NOL4: variants seen among roughly 807,000 people sequenced by gnomAD.
NOL4 encodes nucleolar protein 4.
Under a neutral mutation model 75.9 loss-of-function variants are expected in NOL4, and 17 were observed. The ratio of observed to expected loss-of-function variants is 0.22; its 90% CI spans 0.15 to 0.34. The LOEUF is 0.34. NOL4 is among the 10% of genes least tolerant of loss of function. The probability of loss-of-function intolerance (pLI) is 1.00; values close to 1 mark genes in which losing one functional copy is unlikely to be tolerated. For missense variants in NOL4, 614 were observed against 793.5 expected (o/e 0.77, Z 2.72); for synonymous variants, 292 against 289.9 (o/e 1.01, Z -0.07).
At chr18:34,205,749 C>T (rs1027084457) in intron 1 of NOL4, among the ~76,000 whole-genome samples, 1 of 152,046 alleles carries the variant, frequency 6.6e-6, no homozygotes, top group African/African-American at 2.4e-5. Flanking sequence ...AAGACCCTAT[C>T]CCCTCCTCAC....
At chr18:34,212,751 G>A (rs115107883) in intron 1 of NOL4, among the ~76,000 whole-genome samples, 161 of 152,220 alleles carry the variant, frequency 1.1e-3, no homozygotes, top group African/African-American at 3.8e-3. Context: ...TATTGTGCTC[G>A]TTGTCAGCCA....
chr18:34,005,230 A>C (rs1318517425), intron 6 of NOL4, among the ~76,000 whole-genome samples: 1 of 152,036 alleles, frequency 6.6e-6, no homozygotes, highest in African/African-American at 2.4e-5. Context: ...CATGCAATTC[A>C]ATGGCCCATT....
Position 34,105,038 on chromosome 18 carries a change from A to G in NOL4, c.526+11T>C. 6.6e-7 allele frequency: 1 copy of G among 1,518,910 alleles called. No individual in the cohort carries two copies. The highest frequency in any genetic ancestry group is 9.1e-7 in the Non-Finnish European group (1 of 1,095,094). 94.1% of individuals were successfully genotyped at this position (1,518,910 alleles called of 1,614,324 possible). A position where few individuals can be genotyped will look rare whatever the true frequency, so the allele number is the denominator to read the frequency against. Reference sequence around the variant, plus strand: ...ATTACTTTAAATCTCACTATTTGACACTGCAGCTACCTTTATGATCTGTTC... The same window carrying G: ...ATTACTTTAAATCTCACTATTTGACGCTGCAGCTACCTTTATGATCTGTTC... On this transcript the variant is annotated intron_variant, in intron 3 of 10. Coordinates refer to ENST00000261592, the MANE Select transcript of NOL4 (RefSeq NM_003787.5).
intron 2 of NOL4, among the ~76,000 whole-genome samples, chr18:34,129,141 T>C (rs2145897303): frequency 6.6e-6 from 1 of 152,056 alleles, no homozygotes; most frequent in African/African-American, 2.4e-5. Context: ...AAAAGCTAGA[T>C]TAAAGTGTCT....
rs1448538140 is a variant in NOL4 at position 33,972,126 on chromosome 18, T to C, written c.1057-13708A>G. 2.0e-5 allele frequency among the ~76,000 whole-genome samples: 3 copies of C among 150,540 alleles called. No homozygotes were observed. In the East Asian group the frequency reaches 5.9e-4, roughly 30 times the overall value. On this transcript the variant is annotated intron_variant, in intron 6 of 10. Coordinates refer to ENST00000261592, the MANE Select transcript of NOL4 (RefSeq NM_003787.5). ...TTGCAGTGAGCTGAGATCATGCCAC[T>C]GCACTTCAGCATGGGAGATAGAGTG...
intron 9 of NOL4, among the ~76,000 whole-genome samples, chr18:33,937,237 G>A (rs922429667): frequency 1.3e-5 from 2 of 152,078 alleles, no homozygotes; most frequent in Non-Finnish European, 2.9e-5. Flanking sequence ...GCTTGCTTCA[G>A]GGCTGAGGCT....
chr18:33,889,431 G>A (rs1428656800), intron 9 of NOL4, among the ~76,000 whole-genome samples: 2 of 152,024 alleles, frequency 1.3e-5, no homozygotes, highest in Non-Finnish European at 2.9e-5. Context: ...GGACCAGACG[G>A]ATTCTGGTAG....
Position 34,141,202 on chromosome 18 carries a change from G to A in NOL4, c.265-11182C>T, listed in dbSNP as rs565589243. On this transcript the variant is annotated intron_variant, in intron 1 of 10. Coordinates refer to ENST00000261592, the MANE Select transcript of NOL4 (RefSeq NM_003787.5). Reference sequence around the variant, plus strand: ...TAAAAGAGGACACAAACAAATGGAAGAACATTCCATGCTCATGGATAGGAA... The same window carrying A: ...TAAAAGAGGACACAAACAAATGGAAAAACATTCCATGCTCATGGATAGGAA... Among the ~76,000 whole-genome samples, 19 of 152,168 alleles carry A rather than the reference G, an allele frequency of 1.2e-4. No homozygotes were observed. In the East Asian group the frequency reaches 2.1e-3, roughly 17 times the overall value.
chr18:33,880,087 G>A (rs2064169195), intron 10 of NOL4, among the ~76,000 whole-genome samples: 1 of 152,028 alleles, frequency 6.6e-6, no homozygotes, highest in Admixed American at 6.6e-5. Context: ...AGTGACTGAG[G>A]TTGAACAACT....
intron 2 of NOL4, among the ~76,000 whole-genome samples, chr18:34,123,356 A>G (rs1333565683): frequency 2.0e-5 from 3 of 151,548 alleles, no homozygotes; most frequent in Admixed American, 6.6e-5. Flanking sequence ...TCTGACAATA[A>G]TCTGAATAAT....
chr18:34,188,418 G>A (rs1343100030), intron 1 of NOL4, among the ~76,000 whole-genome samples: 1 of 152,132 alleles, frequency 6.6e-6, no homozygotes, highest in Non-Finnish European at 1.5e-5. Context: ...GTGGGGCTAT[G>A]TCCCAATAAA....
chr18:34,178,689 C>G (rs1375926624), intron 1 of NOL4, among the ~76,000 whole-genome samples: 1 of 151,254 alleles, frequency 6.6e-6, no homozygotes, highest in East Asian at 1.9e-4. Flanking sequence ...AACAACAGAG[C>G]CACAAGATAC....
chr18:34,001,290 A>C (rs2073684068), intron 6 of NOL4, among the ~76,000 whole-genome samples: 1 of 152,288 alleles, frequency 6.6e-6, no homozygotes, highest in South Asian at 2.1e-4. Context: ...TAGCGCTGCA[A>C]ATAATGCGAA....
intron 5 of NOL4, among the ~76,000 whole-genome samples, chr18:34,066,883 T>C (rs191666864): frequency 6.6e-6 from 1 of 152,216 alleles, no homozygotes; most frequent in African/African-American, 2.4e-5. Flanking sequence ...AGGCTCTTCA[T>C]CTTTAGACTC....
chr18:33,890,662 A>G (rs1016589969), intron 9 of NOL4, among the ~76,000 whole-genome samples: 2 of 152,132 alleles, frequency 1.3e-5, no homozygotes, highest in African/African-American at 2.4e-5. Flanking sequence ...ATGTAGGCAA[A>G]CAATATATGT....
intron 5 of NOL4, among the ~76,000 whole-genome samples, chr18:34,040,022 G>A (rs2076072390): frequency 1.3e-5 from 2 of 151,946 alleles, no homozygotes; most frequent in Non-Finnish European, 2.9e-5. Flanking sequence ...AAGATATGGT[G>A]TTAAGTACCT....
intron 6 of NOL4, among the ~76,000 whole-genome samples, chr18:34,001,503 A>C (rs918067065): frequency 2.6e-5 from 4 of 152,072 alleles, no homozygotes; most frequent in Non-Finnish European, 5.9e-5. Flanking sequence ...CATAGCCCTG[A>C]CACAGTCTAA....
In NOL4 at chr18:34,223,032, G is replaced by A; in HGVS notation, c.222C>T (p.Gly74=). 6.2e-7 allele frequency: 1 copy of A among 1,612,866 alleles called. No individual in the cohort carries two copies. The change falls in exon 1 of 11, where the codon GGC becomes GGT. Residue 74 remains glycine, a synonymous_variant. Coordinates refer to ENST00000261592, the MANE Select transcript of NOL4 (RefSeq NM_003787.5). ...CGTAGAGCACTTGCTTGGCGCCGCCGCCTCCCCCGCGGACCTCGTCCGGCT... is the reference window on the plus strand; with the variant it reads ...CGTAGAGCACTTGCTTGGCGCCGCCACCTCCCCCGCGGACCTCGTCCGGCT... ...LGQPDEVRGG[G]GGAKQVLYVP...
intron 5 of NOL4, among the ~76,000 whole-genome samples, chr18:34,072,526 C>A (rs909338044): frequency 6.6e-6 from 1 of 151,920 alleles, no homozygotes; most frequent in African/African-American, 2.4e-5. Flanking sequence ...GTCTTTATGG[C>A]AAATTAATAG....
Sources: allele counts gnomAD v4.1 joint callset (sites outside exome capture counted in the v4.1 genomes callset), GRCh38; gene constraint gnomAD v4.1.1; transcripts MANE v1.5; gene names NCBI Gene and HGNC (gene_info 2026-07-23, HGNC 2026-07-21).